Variants in ZNF37A observed in about 807,000 individuals in gnomAD.
ZNF37A encodes the protein zinc finger protein 37A.
ZNF37A carries 10 observed loss-of-function variants against 12.3 expected under a neutral mutation model. That is an observed-to-expected ratio of 0.82 (90% CI 0.50 to 1.38). ZNF37A has a LOEUF of 1.38. ZNF37A is among the 40% of genes most tolerant of loss of function. The probability of loss-of-function intolerance (pLI) is 0.00; values close to 1 mark genes in which losing one functional copy is unlikely to be tolerated. For missense variants in ZNF37A, 580 were observed against 651.2 expected, an observed-to-expected ratio of 0.89 and a Z score of 1.19; for synonymous variants, 207 against 223.0, an observed-to-expected ratio of 0.93 and a Z score of 0.64.
At position 38,119,301 on chromosome 10, in the gene ZNF37A, A is replaced by G. The variant is rs543616597; in HGVS notation, c.*464A>G. On this transcript the variant is annotated 3_prime_UTR_variant, in exon 8 of 8. Coordinates refer to ENST00000685332, the MANE Select transcript of ZNF37A (RefSeq NM_001324250.3). Reference sequence around the variant, plus strand: ...ACCACAGAACTCATATAAGACAGAAACCCTATGGGTGTAATGAATGTGGAA... The same window carrying G: ...ACCACAGAACTCATATAAGACAGAAGCCCTATGGGTGTAATGAATGTGGAA... The G allele has an allele frequency of 3.2e-5, 33 of 1,038,906 alleles. No individual in the cohort carries two copies. The Admixed American group carries it at 7.1e-4, about 22-fold the overall frequency. 64.4% of individuals were successfully genotyped at this position (1,038,906 alleles called of 1,614,324 possible).
At chr10:38,115,469 G>A in intron 7 of ZNF37A, 179 bp downstream of exon 7, 2 of 767,692 alleles carry the variant, frequency 2.6e-6, no homozygotes, top group South Asian at 4.5e-5. Flanking sequence ...GCATCTCCCA[G>A]TATCACTTTC....
chr10:38,117,108 C>G, intron 7 of ZNF37A: 1 of 927,654 alleles, frequency 1.1e-6, no homozygotes, highest in Non-Finnish European at 1.3e-6. Flanking sequence ...GACTCTGTCT[C>G]AAAAACACCA....
At position 38,113,102 on chromosome 10, in the gene ZNF37A, G is replaced by A. The variant is rs1246222379; in HGVS notation, c.16-1653G>A. On this transcript the variant is annotated intron_variant, in intron 5 of 7. Transcript: ENST00000685332. ...ATTACAGGCATGAGCCACCGCACCTGGCCCATTTTGTTTTCTAGTAGTGTT... is the reference window on the plus strand; with the variant it reads ...ATTACAGGCATGAGCCACCGCACCTAGCCCATTTTGTTTTCTAGTAGTGTT... Among the ~76,000 whole-genome samples the A allele has an allele frequency of 3.3e-5, 5 of 151,598 alleles. No homozygotes were observed. The East Asian group carries it at 9.7e-4, about 29-fold the overall frequency.
At chr10:38,113,844 C>T (rs551758700) in intron 5 of ZNF37A, among the ~76,000 whole-genome samples, 14 of 152,248 alleles carry the variant, frequency 9.2e-5, no homozygotes, top group South Asian at 4.1e-4. Context: ...TTCTGCTATT[C>T]GCATCAATGA....
downstream of ZNF37A, among the ~76,000 whole-genome samples, chr10:38,129,372 C>A (rs1185116182): frequency 6.9e-6 from 1 of 145,790 alleles, no homozygotes; most frequent in African/African-American, 2.5e-5. Context: ...GGTATATGTG[C>A]ACATTTGTTT....
At position 38,115,212 on chromosome 10, in the gene ZNF37A, C is replaced by T. The variant is rs778311594; in HGVS notation, c.160C>T (p.Pro54Ser). 7 of 1,612,214 alleles carry T rather than the reference C, an allele frequency of 4.3e-6. No individual in the cohort carries two copies. The highest frequency in any genetic ancestry group is 1.7e-4 in the Middle Eastern group (1 of 6,044). Residue 54 changes from proline to serine, a missense_variant, in exon 7 of 8, where the codon CCA becomes TCA. Coordinates refer to ENST00000685332, the MANE Select transcript of ZNF37A (RefSeq NM_001324250.3). ...LVSVGYCIPKPEVILKLEKGE... is the reference protein window; with the variant it reads ...LVSVGYCIPKSEVILKLEKGE... ...ATTCACAGGGTATTGCATTCCTAAA[C>T]CAGAAGTGATTCTCAAGTTGGAGAA...
At chr10:38,129,316 A>AAAAACAAAAAAAC (rs1554785447), downstream of ZNF37A, among the ~76,000 whole-genome samples, 1 of 142,430 alleles carries the variant, frequency 7.0e-6, no homozygotes, top group Non-Finnish European at 1.5e-5. Context: ...AAAAAAAAAA[A>AAAAACAAAAAAAC]AAAAAACTAT....
chr10:38,110,704 T>G (rs1197267070), intron 5 of ZNF37A, among the ~76,000 whole-genome samples: 1 of 152,130 alleles, frequency 6.6e-6, no homozygotes, highest in Admixed American at 6.5e-5. Context: ...AAGAAGACAT[T>G]TATGCGGCCA....
intron 1 of ZNF37A, among the ~76,000 whole-genome samples, 177 bp from the exon 2 acceptor site, chr10:38,094,753 TC>T (rs1410396589): frequency 6.6e-6 from 1 of 152,192 alleles, no homozygotes; most frequent in Non-Finnish European, 1.5e-5. Flanking sequence ...TCTCATTCTT[TC>T]CCCTCAGAAT....
At chr10:38,103,434 A>G (rs2067760411) in intron 5 of ZNF37A, among the ~76,000 whole-genome samples, 1 of 152,138 alleles carries the variant, frequency 6.6e-6, no homozygotes, top group African/African-American at 2.4e-5. Context: ...GCACAGCATC[A>G]TTCTCCTGGT....
At chr10:38,125,207 A>G (rs1215896538), downstream of ZNF37A, 1 of 152,234 alleles carries the variant, frequency 6.6e-6, no homozygotes, top group Non-Finnish European at 1.5e-5. Context: ...ACTTTGATAA[A>G]TTAGATTTTG....
chr10:38,147,345 G>A (rs527755049), exon 8 of ZNF37A: 14 of 152,304 alleles, frequency 9.2e-5, no homozygotes, highest in African/African-American at 2.4e-4. Flanking sequence ...TTAAACCATC[G>A]TTTGGGTTTG....
chr10:38,139,015 T>C (rs540942043), intron 7 of ZNF37A: 4 of 152,222 alleles, frequency 2.6e-5, no homozygotes, highest in Non-Finnish European at 5.9e-5. Flanking sequence ...CTGTAGCCTA[T>C]CTGCAGAGGA....
chr10:38,107,692 AG>A (rs2068235762), intron 5 of ZNF37A, among the ~76,000 whole-genome samples: 1 of 152,106 alleles, frequency 6.6e-6, no homozygotes, highest in Non-Finnish European at 1.5e-5. Context: ...CAAAAGAAGC[AG>A]GTGTTACAAT....
At chr10:38,149,568 G>A (rs1257834150) in exon 8 of ZNF37A, 1 of 97,854 alleles carries the variant, frequency 1.0e-5, no homozygotes, top group Non-Finnish European at 2.1e-5. Context: ...TTCTACAGTT[G>A]TGCTTTTTTT....
At chr10:38,099,482 A>T (rs746046568) in intron 5 of ZNF37A, among the ~76,000 whole-genome samples, 3 of 152,132 alleles carry the variant, frequency 2.0e-5, no homozygotes, top group Non-Finnish European at 4.4e-5. Context: ...ATGTTGAATG[A>T]TATTTCATTG....
At chr10:38,115,419 G>A (rs1272532020) in intron 7 of ZNF37A, 129 bp downstream of exon 7, 10 of 1,373,316 alleles carry the variant, frequency 7.3e-6, no homozygotes. Flanking sequence ...GAAGTAACAT[G>A]TTGACGTGAC....
At position 38,117,793 on chromosome 10, in the gene ZNF37A, T is replaced by C; in HGVS notation, c.642T>C (p.Ile214=). 1 of 1,613,956 alleles carries C rather than the reference T, an allele frequency of 6.2e-7. No individual in the cohort carries two copies. Among genetic ancestry groups the C allele is most frequent in the Middle Eastern group, 1.7e-4 (1 of 6,060 alleles). The part of the protein sequence containing the change: ...ECGENIFEES[I]LLEHQSVYPF... ...GAGAAAATATCTTTGAGGAATCCATTCTCCTTGAACATCAGAGTGTTTACC... is the reference window on the plus strand; with the variant it reads ...GAGAAAATATCTTTGAGGAATCCATCCTCCTTGAACATCAGAGTGTTTACC... Residue 214 remains isoleucine, a synonymous_variant, in exon 8 of 8, where the codon ATT becomes ATC. Transcript: ENST00000685332.
chr10:38,141,211 C>CGAAA (rs2070177887), intron 7 of ZNF37A: 1 of 152,066 alleles, frequency 6.6e-6, no homozygotes, highest in East Asian at 1.9e-4. Flanking sequence ...TTTAATTTTC[C>CGAAA]TCTCCTTAAG....
Sources: allele counts gnomAD v4.1 joint callset (sites outside exome capture counted in the v4.1 genomes callset), GRCh38; gene constraint gnomAD v4.1.1; transcripts MANE v1.5; gene names NCBI Gene and HGNC (gene_info 2026-07-23, HGNC 2026-07-21).